The following ETS1 variants were observed in gnomAD, a reference collection of about 807,000 sequenced individuals.
ETS1 encodes protein C-ets-1.
ETS1 carries 15 observed loss-of-function variants against 58.6 expected under a neutral mutation model. That is an observed-to-expected ratio of 0.26 (90% confidence interval 0.17 to 0.39). The LOEUF (loss-of-function observed/expected upper bound fraction) is 0.39. Ranked by LOEUF, ETS1 falls within the 10% of genes least tolerant of loss-of-function variation. The probability of loss-of-function intolerance (pLI) is 1.00; values close to 1 mark genes in which losing one functional copy is unlikely to be tolerated. For missense variants in ETS1, 417 were observed against 610.5 expected (o/e 0.68, Z 3.34); for synonymous variants, 214 against 218.2 (o/e 0.98, Z 0.17).
rs754312470 is a variant in ETS1, at chr11:128,462,327, T to C, written c.*34A>G. On this transcript the variant is annotated 3_prime_UTR_variant, in exon 10 of 10. Transcript: ENST00000392668. ...AACCAACACGGCTGTCCTTGGAAGGTCTCAGCAGGGTTTCCCCAGCCCCTT... is the reference window on the plus strand; with the variant it reads ...AACCAACACGGCTGTCCTTGGAAGGCCTCAGCAGGGTTTCCCCAGCCCCTT... 2.6e-6 allele frequency: 4 copies of C among 1,526,626 alleles called. No homozygotes were observed. The African/African-American group carries it at 5.5e-5, about 21-fold the overall frequency. The allele number at this position is 1,526,626 out of a possible 1,614,324, so 94.6% of individuals were successfully genotyped here. A position where few individuals can be genotyped will look rare whatever the true frequency, so the allele number is the denominator to read the frequency against.
intron 3 of ETS1, among the ~76,000 whole-genome samples, chr11:128,548,735 A>C (rs969618516): frequency 1.3e-5 from 2 of 152,170 alleles, no homozygotes; most frequent in Non-Finnish European, 2.9e-5. Context: ...CTGGGAGTGG[A>C]AAGCTCGTCC....
At chr11:128,559,176 G>T (rs144145755) in intron 2 of ETS1, among the ~76,000 whole-genome samples, 2 of 152,198 alleles carry the variant, frequency 1.3e-5, no homozygotes, top group Non-Finnish European at 2.9e-5. Flanking sequence ...CTAAGAACCT[G>T]AATTCGGATT....
intron 3 of ETS1, among the ~76,000 whole-genome samples, chr11:128,496,347 C>A (rs1862940008): frequency 6.6e-6 from 1 of 151,938 alleles, no homozygotes; most frequent in Non-Finnish European, 1.5e-5. Flanking sequence ...CAGAAGGCTG[C>A]AGTGATATTT....
intron 2 of ETS1, among the ~76,000 whole-genome samples, chr11:128,562,670 C>A (rs943322646): frequency 1.3e-5 from 2 of 152,346 alleles, no homozygotes; most frequent in South Asian, 2.1e-4. Context: ...ACAATGGACA[C>A]ACCTTGGTCC....
chr11:128,540,962 C>A (rs923838448), intron 3 of ETS1, among the ~76,000 whole-genome samples: 1 of 152,218 alleles, frequency 6.6e-6, no homozygotes, highest in Non-Finnish European at 1.5e-5. Flanking sequence ...CTCTTCCAAA[C>A]ACCAGTAAAA....
At chr11:128,586,048 G>A (rs1865025249) in intron 1 of ETS1, among the ~76,000 whole-genome samples, 1 of 152,172 alleles carries the variant, frequency 6.6e-6, no homozygotes, top group South Asian at 2.1e-4. Flanking sequence ...TAGCACCTCC[G>A]TGTAAGGAGC....
At chr11:128,568,123 G>A (rs766405617) in intron 2 of ETS1, among the ~76,000 whole-genome samples, 9 of 152,190 alleles carry the variant, frequency 5.9e-5, no homozygotes, top group South Asian at 2.1e-4. Context: ...ATCTCCCAAA[G>A]TCTGTGGCTC....
chr11:128,478,365 AAGGAAGGGAGGGAGGG>A (rs1283596363), intron 8 of ETS1, among the ~76,000 whole-genome samples: 35 of 10,834 alleles, frequency 3.2e-3, no homozygotes, highest in African/African-American at 0.01. Context: ...AGGAAGGAGG[AAGGAAGGGAGGGAGGG>A]AGGAAGGGAG....
At chr11:128,557,632 T>C (rs547752932) in intron 2 of ETS1, among the ~76,000 whole-genome samples, 2 of 152,290 alleles carry the variant, frequency 1.3e-5, no homozygotes, top group African/African-American at 4.8e-5. Context: ...GAGACCAGGA[T>C]TCTAATCGAC....
chr11:128,493,374 A>G (rs1862853617), intron 3 of ETS1, among the ~76,000 whole-genome samples: 1 of 152,168 alleles, frequency 6.6e-6, no homozygotes, highest in Admixed American at 6.5e-5. Context: ...GGGGGCAGGC[A>G]CTTCTGGGTT....
chr11:128,467,058 C>T (rs1022171581), intron 8 of ETS1, among the ~76,000 whole-genome samples: 8 of 152,216 alleles, frequency 5.3e-5, no homozygotes, highest in African/African-American at 1.9e-4. Flanking sequence ...AGCGTCCCCT[C>T]TAGCACCTTT....
At chr11:128,570,965 A>AT (rs1230548089) in intron 2 of ETS1, among the ~76,000 whole-genome samples, 1 of 152,138 alleles carries the variant, frequency 6.6e-6, no homozygotes, top group Non-Finnish European at 1.5e-5. Flanking sequence ...TCTGATTCTA[A>AT]TTTTTTGTAA....
chr11:128,558,225 C>T (rs1467863536), intron 2 of ETS1, among the ~76,000 whole-genome samples: 1 of 152,214 alleles, frequency 6.6e-6, no homozygotes, highest in Non-Finnish European at 1.5e-5. Flanking sequence ...CATCCTTAGC[C>T]TGCTGTTGCC....
intron 3 of ETS1, among the ~76,000 whole-genome samples, chr11:128,545,664 T>TACTAGAATTA (rs1864122805): frequency 6.6e-6 from 1 of 152,234 alleles, no homozygotes; most frequent in South Asian, 2.1e-4. Flanking sequence ...GGAATAAGAT[T>TACTAGAATTA]ACTAGAATTA....
At chr11:128,562,584 G>A (rs898473613) in intron 2 of ETS1, among the ~76,000 whole-genome samples, 3 of 152,134 alleles carry the variant, frequency 2.0e-5, no homozygotes, top group Non-Finnish European at 4.4e-5. Context: ...CAGAGGACAT[G>A]AGCCCACAGC....
chr11:128,486,880 T>C (rs989015835), intron 5 of ETS1, among the ~76,000 whole-genome samples: 3 of 152,220 alleles, frequency 2.0e-5, no homozygotes, highest in Admixed American at 2.0e-4. Flanking sequence ...CTGGAACAAA[T>C]GCCATGGCTC....
intron 3 of ETS1, among the ~76,000 whole-genome samples, chr11:128,515,155 G>A (rs900801624): frequency 2.0e-5 from 3 of 151,238 alleles, no homozygotes; most frequent in African/African-American, 4.9e-5. Context: ...TCTTATCTTC[G>A]ATAAACATTT....
At chr11:128,522,344 C>A in intron 3 of ETS1, 2 of 1,018,360 alleles carry the variant, frequency 2.0e-6, no homozygotes, top group Non-Finnish European at 2.4e-6. Context: ...CCCTCCCGCG[C>A]TCTCCCCTCC....
At chr11:128,556,526 A>G in intron 2 of ETS1, 91 bp from the exon 3 acceptor site, 1 of 823,208 alleles carries the variant, frequency 1.2e-6, no homozygotes, top group South Asian at 2.0e-5. Flanking sequence ...ATCCAATCAC[A>G]TGTAAGTAAG....
Sources: gnomAD v4.1 joint callset for allele counts (sites outside exome capture counted in the v4.1 genomes callset) on GRCh38, gnomAD v4.1.1 for gene constraint, MANE v1.5 for transcripts, NCBI Gene and HGNC (gene_info 2026-07-23, HGNC 2026-07-21) for gene names.